Variants in ELMO1 observed in about 807,000 individuals in gnomAD.
The protein encoded by ELMO1 is engulfment and cell motility protein 1.
ELMO1 carries 26 observed loss-of-function variants against 98.9 expected under a neutral mutation model. That is an observed-to-expected ratio of 0.26 (90% confidence interval 0.19 to 0.36). The LOEUF (loss-of-function observed/expected upper bound fraction) is 0.36, where lower values mean the gene tolerates loss of function less well. ELMO1 is among the 10% of genes least tolerant of loss of function. ELMO1 has a pLI of 1.00. For missense variants in ELMO1, 627 were observed against 935.2 expected, an observed-to-expected ratio of 0.67 and a Z score of 4.30; for synonymous variants, 346 against 346.0, an observed-to-expected ratio of 1.00 and a Z score of 0.00.
chr7:37,018,731 T>C (rs1203332448), intron 15 of ELMO1, among the ~76,000 whole-genome samples: 1 of 152,120 alleles, frequency 6.6e-6, no homozygotes, highest in Non-Finnish European at 1.5e-5. Context: ...CCCGCCTTGA[T>C]CTCGCAAAGT....
chr7:37,115,420 A>C (rs1785523730), intron 14 of ELMO1, among the ~76,000 whole-genome samples: 1 of 152,224 alleles, frequency 6.6e-6, no homozygotes, highest in Admixed American at 6.5e-5. Context: ...GATTTGTTTC[A>C]GGTATGCAAG....
At chr7:37,006,887 T>C (rs1342850847) in intron 16 of ELMO1, among the ~76,000 whole-genome samples, 1 of 152,204 alleles carries the variant, frequency 6.6e-6, no homozygotes. Flanking sequence ...GTTACCAAAG[T>C]CACTTTCCCG....
In ELMO1 at chr7:37,334,797, C is replaced by A. The variant is rs377349965; in HGVS notation, c.78+7816G>T. ...CATATGGAATTATATCTTAAATATG[C>A]TATAGAAATATGGTAGTTGAAAAAC... On this transcript the variant is annotated intron_variant, in intron 2 of 21. Transcript: ENST00000310758. 1.6e-4 allele frequency among the ~76,000 whole-genome samples: 25 copies of A among 152,262 alleles called. No individual in the cohort carries two copies. In the East Asian group the frequency reaches 2.3e-3, roughly 14 times the overall value.
chr7:37,308,518 A>G (rs935611572), intron 4 of ELMO1, among the ~76,000 whole-genome samples: 8 of 152,108 alleles, frequency 5.3e-5, no homozygotes, highest in Non-Finnish European at 5.9e-5. Context: ...TCACTTCCTC[A>G]AGGCTTAATT....
At chr7:37,013,595 C>G in intron 15 of ELMO1, 160 bp from the exon 16 acceptor site, 1 of 783,216 alleles carries the variant, frequency 1.3e-6, no homozygotes, top group Non-Finnish European at 2.0e-6. Context: ...CAAAGGATGG[C>G]CCCCATACAA....
intron 1 of ELMO1, among the ~76,000 whole-genome samples, chr7:37,421,291 C>A (rs189341424): frequency 6.6e-6 from 1 of 152,186 alleles, no homozygotes; most frequent in East Asian, 1.9e-4. Context: ...AAATAGCTTT[C>A]CCCCGTTTTC....
At chr7:37,350,780 C>T (rs936712918) in intron 1 of ELMO1, among the ~76,000 whole-genome samples, 9 of 152,050 alleles carry the variant, frequency 5.9e-5, no homozygotes, top group Non-Finnish European at 1.3e-4. Flanking sequence ...GTCTTCAGGC[C>T]GGGCCCTAAT....
chr7:37,065,767 G>A (rs942854289), intron 15 of ELMO1, among the ~76,000 whole-genome samples: 2 of 152,116 alleles, frequency 1.3e-5, no homozygotes, highest in Admixed American at 1.3e-4. Context: ...TGGACTGGAG[G>A]AACAAAACAA....
intron 16 of ELMO1, among the ~76,000 whole-genome samples, chr7:36,923,416 A>G (rs1368041791): frequency 6.6e-6 from 1 of 152,220 alleles, no homozygotes; most frequent in African/African-American, 2.4e-5. Context: ...CAAGGAAGCT[A>G]TGACCATTGA....
At chr7:36,955,621 A>G (rs1562853962) in intron 16 of ELMO1, among the ~76,000 whole-genome samples, 1 of 152,184 alleles carries the variant, frequency 6.6e-6, no homozygotes, top group Non-Finnish European at 1.5e-5. Flanking sequence ...TTCATCCTAA[A>G]TCTGTCAAAG....
intron 13 of ELMO1, among the ~76,000 whole-genome samples, chr7:37,147,279 C>T (rs1420806314): frequency 6.6e-6 from 1 of 152,062 alleles, no homozygotes; most frequent in Non-Finnish European, 1.5e-5. Flanking sequence ...ATTCTAAGCC[C>T]CCTGGATTCC....
intron 15 of ELMO1, among the ~76,000 whole-genome samples, chr7:37,041,636 A>G (rs1375083607): frequency 6.6e-6 from 1 of 152,204 alleles, no homozygotes; most frequent in African/African-American, 2.4e-5. Flanking sequence ...TACGTGTAAA[A>G]TAAATGCATA....
At chr7:37,059,767 G>A (rs1172079652) in intron 15 of ELMO1, among the ~76,000 whole-genome samples, 2 of 152,080 alleles carry the variant, frequency 1.3e-5, no homozygotes, top group African/African-American at 2.4e-5. Context: ...TGGCACCAGA[G>A]CAATAATGGT....
chr7:37,425,612 C>T (rs1431251286), intron 1 of ELMO1, among the ~76,000 whole-genome samples: 1 of 152,242 alleles, frequency 6.6e-6, no homozygotes, highest in Non-Finnish European at 1.5e-5. Flanking sequence ...GCTCTGCCAA[C>T]AGCTAGTTTT....
rs528560360 is a variant in ELMO1 at position 37,321,573 on chromosome 7, C to T, written c.79-5613G>A. Among the ~76,000 whole-genome samples, 31 of 151,492 alleles carry T rather than the reference C, an allele frequency of 2.0e-4. 1 individual carries two copies. Among genetic ancestry groups the T allele is most frequent in the Middle Eastern group, 6.8e-3 (2 of 292 alleles). On this transcript the variant is annotated intron_variant, in intron 2 of 21. Transcript: ENST00000310758. ...TCTACTAAAAATACAAAAAATTAGC[C>T]GGGCGTGGTGGCGGGCGCCTGTAGT...
chr7:37,270,914 C>CAT (rs1169019831), intron 5 of ELMO1: 2 of 151,682 alleles, frequency 1.3e-5, no homozygotes, highest in Admixed American at 1.3e-4. Context: ...GACACACACA[C>CAT]ACACACACAC....
intron 1 of ELMO1, among the ~76,000 whole-genome samples, chr7:37,381,376 T>C (rs888397277): frequency 1.2e-4 from 19 of 152,220 alleles, no homozygotes; most frequent in African/African-American, 4.6e-4. Context: ...CCTAGATTAC[T>C]GGTTTACTAA....
At position 37,259,314 on chromosome 7, in the gene ELMO1, A is replaced by C. The variant is rs189550980; in HGVS notation, c.280T>G (p.Ser94Ala). Residue 94 changes from serine to alanine, a missense_variant, in exon 6 of 22, where the codon TCC becomes GCC. Physicochemically the swap from Ser to Ala is moderately conservative, Grantham distance 99 (BLOSUM62 1). This residue lies in a region of ELMO1 where 123 missense variants were observed against 171.2 expected (regional missense o/e 0.72). Coordinates refer to ENST00000310758, the MANE Select transcript of ELMO1 (RefSeq NM_014800.11). ...NAQQLHERIQSSSMDAKLEAL... is the reference protein window; with the variant it reads ...NAQQLHERIQASSMDAKLEAL... ...TCCAGCTTGGCATCCATACTCGAGG[A>C]CTGGATTCGTTCATGGAGCTGCTGG... 7 of 1,614,174 alleles carry C rather than the reference A, an allele frequency of 4.3e-6. No individual in the cohort carries two copies. In the Admixed American group the frequency reaches 8.3e-5, roughly 19 times the overall value.
intron 18 of ELMO1, among the ~76,000 whole-genome samples, chr7:36,878,618 A>G (rs989131518): frequency 6.6e-6 from 1 of 152,206 alleles, no homozygotes; most frequent in Non-Finnish European, 1.5e-5. Context: ...CACATTAATC[A>G]TGAACGAATT....
Sources: allele counts gnomAD v4.1 joint callset (sites outside exome capture counted in the v4.1 genomes callset), GRCh38; gene constraint gnomAD v4.1.1; regional missense constraint gnomAD v4.1.1; transcripts MANE v1.5; gene names NCBI Gene and HGNC (gene_info 2026-07-23, HGNC 2026-07-21).